MAGEB10: variants seen among roughly 807,000 people sequenced by gnomAD.
The protein encoded by MAGEB10 is MAGE family member B10, also known as melanoma-associated antigen B10.
For synonymous variants in MAGEB10, 99 were observed against 101.0 expected, an observed-to-expected ratio of 0.98 and a Z score of 0.12; for missense variants, 190 against 261.9, an observed-to-expected ratio of 0.73 and a Z score of 1.89.
At position 27,822,432 on chromosome X, in the gene MAGEB10, A is replaced by G. The variant is rs1923907086; in HGVS notation, c.*82A>G. The G allele has an allele frequency of 6.7e-6, 6 of 899,862 alleles. No individual in the cohort carries two copies. Among genetic ancestry groups the G allele is most frequent in the Non-Finnish European group, 9.2e-6 (6 of 655,073 alleles). 74.2% of individuals were successfully genotyped at this position (899,862 alleles called of 1,213,427 possible). A position where few individuals can be genotyped will look rare whatever the true frequency, so the allele number is the denominator to read the frequency against. On this transcript the variant is annotated 3_prime_UTR_variant, in exon 3 of 3. Transcript: ENST00000356790. ...GGAGGTCAGGGTGGGACTGGAGACA[A>G]CACAGTGAATAATATGTTTGTGTTA...
intron 1 of MAGEB10, among the ~76,000 whole-genome samples, chrX:27,815,055 G>A (rs760519447): frequency 3.6e-5 from 4 of 111,702 alleles, no homozygotes; most frequent in Non-Finnish European, 3.8e-5. Context: ...TTCTTTGGGA[G>A]CTGATTTTGC....
chrX:27,808,601 C>T (rs1386345146), intron 1 of MAGEB10, among the ~76,000 whole-genome samples: 1 of 111,533 alleles, frequency 9.0e-6, no homozygotes, highest in Non-Finnish European at 1.9e-5. Context: ...AAAGAAAGAA[C>T]GCCATGCCGT....
rs746688852 is a variant in MAGEB10, at chrX:27,822,353, T to C, written c.*3T>C. The stretch of plus-strand genomic sequence containing the variant: ...GCAAGTCCTCCCAACTGCAGTAAAG[T>C]CTGAGGGAGATTCTTCATTTGTGTT... On this transcript the variant is annotated 3_prime_UTR_variant, in exon 3 of 3. Transcript: ENST00000356790. The C allele has an allele frequency of 2.5e-6, 3 of 1,191,970 alleles. No homozygotes were observed. The highest frequency in any genetic ancestry group is 3.4e-6 in the Non-Finnish European group (3 of 886,062).
chrX:27,817,082 C>CCATCTCAGCTCCATATCT (rs1168837308), intron 1 of MAGEB10, among the ~76,000 whole-genome samples: 2 of 108,437 alleles, frequency 1.8e-5, no homozygotes, highest in Non-Finnish European at 3.8e-5. Context: ...AGATATGGAG[C>CCATCTCAGCTCCATATCT]CACAGTATAG....
intron 1 of MAGEB10, among the ~76,000 whole-genome samples, chrX:27,816,403 C>G (rs1220893409): frequency 9.0e-6 from 1 of 111,426 alleles, no homozygotes; most frequent in Non-Finnish European, 1.9e-5. Flanking sequence ...AAAGAAAAAC[C>G]ATAATTCGCC....
Position 27,821,512 on chromosome X carries a change from C to G in MAGEB10, c.206C>G (p.Ser69Cys), listed in dbSNP as rs766433870. Residue 69 changes from serine to cysteine, a missense_variant, in exon 3 of 3, where the codon TCC (serine) becomes TGC (cysteine). By Grantham distance (112) the Ser-to-Cys change is moderately radical. Coordinates refer to ENST00000356790, the MANE Select transcript of MAGEB10 (RefSeq NM_182506.3). Reference protein sequence around the residue: ...NNPHGLREAQSTSTSATAASH... With the variant: ...NNPHGLREAQCTSTSATAASH... The stretch of plus-strand genomic sequence containing the variant: ...CCCCATGGACTTCGGGAAGCCCAAT[C>G]CACCAGCACATCTGCTACAGCTGCT... 54 of 1,209,142 alleles carry G rather than the reference C, an allele frequency of 4.5e-5. No individual in the cohort carries two copies. Among genetic ancestry groups the G allele is most frequent in the Non-Finnish European group, 5.8e-5 (52 of 894,935 alleles).
chrX:27,809,170 G>A (rs993625323), intron 1 of MAGEB10, among the ~76,000 whole-genome samples: 1 of 111,551 alleles, frequency 9.0e-6, no homozygotes, highest in Admixed American at 9.4e-5. Context: ...AGGGCTGCAC[G>A]TGGTGCTTGC....
chrX:27,815,686 G>A lies in MAGEB10; in HGVS notation c.-198-1868G>A, dbSNP rs188516760. Among the ~76,000 whole-genome samples, 234 of 112,209 alleles carry A rather than the reference G, an allele frequency of 2.1e-3. 3 individuals are homozygous for A. Among genetic ancestry groups the A allele is most frequent in the Non-Finnish European group, 3.6e-3 (191 of 53,254 alleles). ...GTGTATCAACCATGTCCAGAAATTGGATTCCTATAAATCCTGGTGTACTAG... is the reference window on the plus strand; with the variant it reads ...GTGTATCAACCATGTCCAGAAATTGAATTCCTATAAATCCTGGTGTACTAG... On this transcript the variant is annotated intron_variant, in intron 1 of 2. Transcript: ENST00000356790.
Position 27,815,951 on chromosome X carries a change from TG to T in MAGEB10, c.-198-1602del, listed in dbSNP as rs1479090300. Among the ~76,000 whole-genome samples, 4 of 111,203 alleles carry T rather than the reference TG, an allele frequency of 3.6e-5. No homozygotes were observed. In the East Asian group the frequency reaches 8.6e-4, roughly 24 times the overall value. ...TCATTATATGAGGAACCCAGTTCTT[TG>T]TGGTTGTAAGAAGAGTGAGGAGTAA... On this transcript the variant is annotated intron_variant, in intron 1 of 2. Transcript: ENST00000356790.
At chrX:27,812,277 A>G (rs1923704818) in intron 1 of MAGEB10, 1 of 173,491 alleles carries the variant, frequency 5.8e-6, no homozygotes, top group Admixed American at 5.5e-5. Flanking sequence ...AGAGCCCATT[A>G]CAAAGGCAGA....
intron 1 of MAGEB10, among the ~76,000 whole-genome samples, chrX:27,810,291 C>T (rs1033456308): frequency 4.5e-5 from 5 of 111,842 alleles, no homozygotes; most frequent in South Asian, 3.8e-4. Context: ...AGTGAGACCA[C>T]GAACCCACCA....
chrX:27,811,609 T>C (rs942676313), intron 1 of MAGEB10, among the ~76,000 whole-genome samples: 1 of 112,124 alleles, frequency 8.9e-6, no homozygotes, highest in African/African-American at 3.2e-5. Flanking sequence ...GACCTGCCAG[T>C]CACTGTATCA....
At position 27,812,381 on chromosome X, in the gene MAGEB10, C is replaced by T. The variant is rs181907455; in HGVS notation, c.-199+4345C>T. 340 of 132,915 alleles carry T rather than the reference C, an allele frequency of 2.6e-3. 1 individual carries two copies. Among genetic ancestry groups the T allele is most frequent in the Non-Finnish European group, 4.0e-3 (262 of 65,462 alleles). The allele number at this position is 132,915 out of a possible 1,213,427, so 11.0% of individuals were successfully genotyped here. ...ACCTGGAGTTGGTCTTTGGCCTTGA[C>T]GTGAGAGAAGTGGATCCCAACAAGA... On this transcript the variant is annotated intron_variant, in intron 1 of 2. Coordinates refer to ENST00000356790, the MANE Select transcript of MAGEB10 (RefSeq NM_182506.3).
At chrX:27,812,597 C>A (rs1211463966) in intron 1 of MAGEB10, 1 of 195,467 alleles carries the variant, frequency 5.1e-6, no homozygotes, top group African/African-American at 3.0e-5. Context: ...AGGAGCACGT[C>A]ATCTATGGAG....
chrX:27,822,196 A>T lies in MAGEB10; in HGVS notation c.890A>T (p.Asp297Val). 1 of 1,211,841 alleles carries T rather than the reference A, an allele frequency of 8.3e-7. No individual in the cohort carries two copies. Among genetic ancestry groups the T allele is most frequent in the Non-Finnish European group, 1.1e-6 (1 of 895,518 alleles). The change falls in exon 3 of 3, where the codon GAT (aspartate) becomes GTT (valine). Residue 297 changes from aspartate (D) to valine (V), a missense_variant. By Grantham distance (152) the Asp-to-Val change is radical. Transcript: ENST00000356790. ...KVLEFLAKVN[D>V]TAPSEFSNWY... is the part of the protein sequence containing the mutation. ...CTTGAGTTTTTGGCCAAGGTAAATG[A>T]TACAGCTCCCAGTGAATTCTCAAAC...
intron 2 of MAGEB10, among the ~76,000 whole-genome samples, chrX:27,818,369 G>A (rs945935309): frequency 3.6e-5 from 4 of 110,910 alleles, no homozygotes; most frequent in Non-Finnish European, 7.5e-5. Flanking sequence ...CTACCACTGA[G>A]GTTGAAGCTG....
intron 2 of MAGEB10, among the ~76,000 whole-genome samples, chrX:27,818,410 A>C (rs1309640501): frequency 1.2e-4 from 13 of 111,544 alleles, no homozygotes; most frequent in Non-Finnish European, 2.4e-4. Flanking sequence ...GATTAATGAC[A>C]GTTAAAACAG....
Position 27,821,254 on chromosome X carries a change from C to A in MAGEB10, c.-49-4C>A. ...CACACCCCATTTCATCTTCTCTTCTCCAGGTCACGGGATCACCTGCCTTTT... is the reference window on the plus strand; with the variant it reads ...CACACCCCATTTCATCTTCTCTTCTACAGGTCACGGGATCACCTGCCTTTT... On this transcript the variant is annotated splice_region_variant and splice_polypyrimidine_tract_variant and intron_variant, in intron 2 of 2. Coordinates refer to ENST00000356790, the MANE Select transcript of MAGEB10 (RefSeq NM_182506.3). 9.4e-7 allele frequency: 1 copy of A among 1,059,869 alleles called. No individual in the cohort carries two copies. The highest frequency in any genetic ancestry group is 1.3e-6 in the Non-Finnish European group (1 of 770,701). 87.3% of individuals were successfully genotyped at this position (1,059,869 alleles called of 1,213,427 possible).
rs1034913312 is a variant in MAGEB10 at position 27,822,655 on chromosome X, T to C, written c.*305T>C. Reference sequence around the variant, plus strand: ...TAGTGATCGAAACACGATAGCATGGTAGTAAATTAGGCATTTCCTAATTCA... The same window carrying C: ...TAGTGATCGAAACACGATAGCATGGCAGTAAATTAGGCATTTCCTAATTCA... On this transcript the variant is annotated 3_prime_UTR_variant, in exon 3 of 3. Coordinates refer to ENST00000356790, the MANE Select transcript of MAGEB10 (RefSeq NM_182506.3). The C allele has an allele frequency of 7.4e-6, 2 of 270,063 alleles. No individual in the cohort carries two copies. The highest frequency in any genetic ancestry group is 6.4e-5 in the East Asian group (1 of 15,524). The allele number at this position is 270,063 out of a possible 1,213,427, so 22.3% of individuals were successfully genotyped here.
Sources: allele counts gnomAD v4.1 joint callset (sites outside exome capture counted in the v4.1 genomes callset), GRCh38; gene constraint gnomAD v4.1.1; transcripts MANE v1.5; gene names NCBI Gene and HGNC (gene_info 2026-07-23, HGNC 2026-07-21).